The following IKZF1 variants were observed in gnomAD, a reference collection of about 807,000 sequenced individuals.
IKZF1 encodes the protein IKAROS family zinc finger 1.
A neutral mutation model predicts 51.7 loss-of-function variants in IKZF1; 10 were observed. That is an observed-to-expected ratio of 0.19 (90% CI 0.12 to 0.33). The LOEUF is 0.33. IKZF1 is among the 10% of genes least tolerant of loss of function. The pLI is 1.00. For synonymous variants in IKZF1, 280 were observed against 282.3 expected (o/e 0.99, Z 0.08); for missense variants, 484 against 707.5 (o/e 0.68, Z 3.58).
At chr7:50,391,339 C>A (rs1814995225) in intron 6 of IKZF1, among the ~76,000 whole-genome samples, 1 of 152,212 alleles carries the variant, frequency 6.6e-6, no homozygotes, top group African/African-American at 2.4e-5. Flanking sequence ...TCACACAGTT[C>A]TTTGCGTCTC....
chr7:50,315,029 C>T (rs930347886), intron 1 of IKZF1, among the ~76,000 whole-genome samples: 3 of 152,272 alleles, frequency 2.0e-5, no homozygotes, highest in Admixed American at 2.0e-4. Context: ...GCAGGGCCCA[C>T]ACGGCCTGGA....
intron 7 of IKZF1, among the ~76,000 whole-genome samples, chr7:50,396,639 A>G (rs1816782558): frequency 6.6e-6 from 1 of 152,048 alleles, no homozygotes; most frequent in South Asian, 2.1e-4. Flanking sequence ...TGCTTATTCT[A>G]GTTGGTCTGA....
Position 50,403,415 on chromosome 7 carries a change from A to G in IKZF1, c.*2788A>G, listed in dbSNP as rs909877805. On this transcript the variant is annotated 3_prime_UTR_variant, in exon 8 of 8. Transcript: ENST00000331340. ...GTGTACTACTGTGTGCCTAGATTCC[A>G]TGCACTCTCGTTGTGTTTGAAGTAA... is the stretch of plus-strand genomic sequence containing the variant. 5 of 222,676 alleles carry G rather than the reference A, an allele frequency of 2.2e-5. No individual in the cohort carries two copies. The highest frequency in any genetic ancestry group is 4.5e-5 in the Non-Finnish European group (5 of 111,506). The allele number at this position is 222,676 out of a possible 1,614,324, so 13.8% of individuals were successfully genotyped here. A position where few individuals can be genotyped will look rare whatever the true frequency, so the allele number is the denominator to read the frequency against.
chr7:50,327,660 C>T lies in IKZF1; in HGVS notation c.63C>T (p.Ser21=), dbSNP rs777664112. ...CAGGGAAGGAAAGCCCCCCTGTAAG[C>T]GATACTCCAGATGAGGGCGATGAGC... ...QVSGKESPPV[S]DTPDEGDEPM... Residue 21 remains serine, a synonymous_variant, in exon 3 of 8, where the codon AGC becomes AGT. Transcript: ENST00000331340. 2.6e-5 allele frequency: 42 copies of T among 1,612,884 alleles called. No homozygotes were observed. Among genetic ancestry groups the T allele is most frequent in the Non-Finnish European group, 3.2e-5 (38 of 1,179,490 alleles).
intron 3 of IKZF1, among the ~76,000 whole-genome samples, chr7:50,358,709 A>G (rs1014401002): frequency 2.0e-5 from 3 of 152,228 alleles, no homozygotes; most frequent in Non-Finnish European, 4.4e-5. Context: ...AAAATAACAT[A>G]TGCCTAGCAT....
At chr7:50,360,813 C>G (rs1804976151) in intron 3 of IKZF1, among the ~76,000 whole-genome samples, 1 of 152,248 alleles carries the variant, frequency 6.6e-6, no homozygotes, top group African/African-American at 2.4e-5. Context: ...AGCCAGTCAT[C>G]ACCATGTGGC....
At chr7:50,340,340 AG>A (rs1324552425) in intron 3 of IKZF1, among the ~76,000 whole-genome samples, 1 of 152,216 alleles carries the variant, frequency 6.6e-6, no homozygotes, top group Non-Finnish European at 1.5e-5. Flanking sequence ...CTTCCCCCAC[AG>A]GGGATGTGGC....
chr7:50,332,526 A>C (rs1027983369), intron 3 of IKZF1, among the ~76,000 whole-genome samples: 3 of 152,192 alleles, frequency 2.0e-5, no homozygotes, highest in Non-Finnish European at 4.4e-5. Context: ...GAAAGATTGC[A>C]GGCTAGAAAA....
At chr7:50,354,303 G>A (rs1003757913) in intron 3 of IKZF1, among the ~76,000 whole-genome samples, 1 of 152,206 alleles carries the variant, frequency 6.6e-6, no homozygotes, top group Admixed American at 6.5e-5. Flanking sequence ...TACTGCTGTG[G>A]GTGCCCGGGC....
rs2153521984 is a variant in IKZF1, at chr7:50,402,957, C to G, written c.*2330C>G. The G allele has an allele frequency of 4.4e-6, 1 of 226,452 alleles. No homozygotes were observed. Among genetic ancestry groups the G allele is most frequent in the South Asian group, 1.8e-4 (1 of 5,464 alleles). 14.0% of individuals were successfully genotyped at this position (226,452 alleles called of 1,614,324 possible). On this transcript the variant is annotated 3_prime_UTR_variant, in exon 8 of 8. Transcript: ENST00000331340. ...GAGCCTTCTTAGAGTCAGTTTGTTG[C>G]AAATTTCACCTACTCTGTTCTTTTC...
At chr7:50,350,183 C>A (rs1456522789) in intron 3 of IKZF1, among the ~76,000 whole-genome samples, 2 of 152,230 alleles carry the variant, frequency 1.3e-5, no homozygotes, top group African/African-American at 4.8e-5. Context: ...CTGACCAGCA[C>A]ATGTTGATGC....
chr7:50,354,680 CTAGCATTTCTGCTTGTCTT>C (rs1266513424), intron 3 of IKZF1, among the ~76,000 whole-genome samples: 6 of 152,102 alleles, frequency 3.9e-5, no homozygotes, highest in Non-Finnish European at 8.8e-5. Flanking sequence ...ATTACCCTCT[CTAGCATTTCTGCTTGTCTT>C]TTCCCTAGTA....
chr7:50,362,011 A>G (rs1330489910), intron 3 of IKZF1, among the ~76,000 whole-genome samples: 3 of 152,224 alleles, frequency 2.0e-5, no homozygotes, highest in African/African-American at 7.2e-5. Flanking sequence ...TTCTATCTTA[A>G]TTAGTTCACT....
At chr7:50,340,469 C>T (rs1050441055) in intron 3 of IKZF1, among the ~76,000 whole-genome samples, 1 of 152,230 alleles carries the variant, frequency 6.6e-6, no homozygotes, top group Admixed American at 6.5e-5. Flanking sequence ...AGCATGGCCC[C>T]CTGCTGCATG....
intron 1 of IKZF1, among the ~76,000 whole-genome samples, chr7:50,317,634 A>C (rs768500472): frequency 6.6e-6 from 1 of 152,284 alleles, no homozygotes; most frequent in East Asian, 1.9e-4. Context: ...TTGAAAATTC[A>C]TGTCACTTTT....
At chr7:50,357,299 C>G (rs867883578) in intron 3 of IKZF1, among the ~76,000 whole-genome samples, 4 of 152,212 alleles carry the variant, frequency 2.6e-5, no homozygotes, top group South Asian at 2.1e-4. Context: ...GGCCCTGCAT[C>G]CTGGGCATGA....
At chr7:50,322,355 T>G (rs1793605394) in intron 2 of IKZF1, among the ~76,000 whole-genome samples, 1 of 152,234 alleles carries the variant, frequency 6.6e-6, no homozygotes, top group Non-Finnish European at 1.5e-5. Flanking sequence ...TTCAACCTAA[T>G]GTATGCGAAA....
intron 3 of IKZF1, among the ~76,000 whole-genome samples, chr7:50,339,970 G>A (rs984631465): frequency 3.2e-4 from 49 of 152,216 alleles, no homozygotes; most frequent in Middle Eastern, 3.4e-3. Flanking sequence ...GATTAAGTTG[G>A]TCTTCTGCAA....
At position 50,338,870 on chromosome 7, in the gene IKZF1, G is replaced by A. The variant is rs980032781; in HGVS notation, c.160+11113G>A. ...AGGAACCTACATTTCACAAATTACCGCAGACACGCTCACAATTTTAAACTC... is the reference window on the plus strand; with the variant it reads ...AGGAACCTACATTTCACAAATTACCACAGACACGCTCACAATTTTAAACTC... On this transcript the variant is annotated intron_variant, in intron 3 of 7. Coordinates refer to ENST00000331340, the MANE Select transcript of IKZF1 (RefSeq NM_006060.6). Among the ~76,000 whole-genome samples, 72 of 152,284 alleles carry A rather than the reference G, an allele frequency of 4.7e-4. 1 individual carries two copies. The East Asian group carries it at 9.1e-3, about 19-fold the overall frequency.
Sources: allele counts gnomAD v4.1 joint callset (sites outside exome capture counted in the v4.1 genomes callset), GRCh38; gene constraint gnomAD v4.1.1; transcripts MANE v1.5; gene names NCBI Gene and HGNC (gene_info 2026-07-23, HGNC 2026-07-21).